HS6ST3: variants seen among roughly 807,000 people sequenced by gnomAD.
The protein encoded by HS6ST3 is heparan-sulfate 6-O-sulfotransferase 3.
HS6ST3 carries 12 observed loss-of-function variants against 36.7 expected under a neutral mutation model. The observed-to-expected ratio is 0.33, with a 90% CI of 0.21 to 0.53. The LOEUF is 0.53. Ranked by LOEUF, HS6ST3 falls within the 20% of genes least tolerant of loss-of-function variation. The pLI is 0.95. For synonymous variants in HS6ST3, 240 were observed against 257.5 expected (o/e 0.93, Z 0.65); for missense variants, 584 against 640.9 (o/e 0.91, Z 0.96).
chr13:96,222,205 A>G (rs1778023088), intron 1 of HS6ST3, among the ~76,000 whole-genome samples: 1 of 152,206 alleles, frequency 6.6e-6, no homozygotes, highest in South Asian at 2.1e-4. Flanking sequence ...TGGACACTTT[A>G]TGATGTAACA....
intron 1 of HS6ST3, among the ~76,000 whole-genome samples, chr13:96,483,155 C>T (rs557914049): frequency 6.6e-6 from 1 of 152,246 alleles, no homozygotes; most frequent in East Asian, 1.9e-4. Flanking sequence ...AGGAATATGG[C>T]TTGATGGTTT....
chr13:96,593,921 C>A (rs191808376), intron 1 of HS6ST3, among the ~76,000 whole-genome samples: 176 of 151,270 alleles, frequency 1.2e-3, no homozygotes, highest in African/African-American at 3.8e-3. Flanking sequence ...TGCATACTTA[C>A]TAGTGAAGTG....
rs190749337 is a variant in HS6ST3, at chr13:96,588,720, A to G, written c.708-243770A>G. On this transcript the variant is annotated intron_variant, in intron 1 of 1. Transcript: ENST00000376705. Reference sequence around the variant, plus strand: ...TTTTTGTAGTATGTTTGTGTTTAGTATCAGGGTGATGCTAGCCTTGTAATT... The same window carrying G: ...TTTTTGTAGTATGTTTGTGTTTAGTGTCAGGGTGATGCTAGCCTTGTAATT... Among the ~76,000 whole-genome samples, 9 of 152,182 alleles carry G rather than the reference A, an allele frequency of 5.9e-5. No homozygotes were observed. In the East Asian group the frequency reaches 1.7e-3, roughly 29 times the overall value.
chr13:96,508,386 C>T (rs2056035345), intron 1 of HS6ST3, among the ~76,000 whole-genome samples: 1 of 151,944 alleles, frequency 6.6e-6, no homozygotes, highest in Non-Finnish European at 1.5e-5. Context: ...TTTCTTTTTT[C>T]TACAGTAGCT....
At chr13:96,408,125 A>T (rs2139460667) in intron 1 of HS6ST3, among the ~76,000 whole-genome samples, 1 of 152,126 alleles carries the variant, frequency 6.6e-6, no homozygotes, top group African/African-American at 2.4e-5. Context: ...TTTTTAGTAG[A>T]GATGGGGTTT....
At chr13:96,254,494 TATATAC>T (rs2054626871) in intron 1 of HS6ST3, among the ~76,000 whole-genome samples, 3 of 21,930 alleles carry the variant, frequency 1.4e-4, no homozygotes, top group Admixed American at 8.6e-4. Flanking sequence ...TATATATATA[TATATAC>T]ACATACATAC....
At chr13:96,150,832 A>T (rs1324940561) in intron 1 of HS6ST3, among the ~76,000 whole-genome samples, 1 of 152,186 alleles carries the variant, frequency 6.6e-6, no homozygotes, top group Non-Finnish European at 1.5e-5. Flanking sequence ...TTTTTGATAA[A>T]ATTCCTAAGT....
At chr13:96,250,419 G>C (rs2054602685) in intron 1 of HS6ST3, among the ~76,000 whole-genome samples, 1 of 152,216 alleles carries the variant, frequency 6.6e-6, no homozygotes, top group Non-Finnish European at 1.5e-5. Context: ...GTGGGCCTTG[G>C]ATCCAATGAC....
chr13:96,250,097 T>C (rs747014508), intron 1 of HS6ST3, among the ~76,000 whole-genome samples: 5 of 152,212 alleles, frequency 3.3e-5, no homozygotes, highest in Admixed American at 6.6e-5. Flanking sequence ...AAACTTTATG[T>C]TGTGAATATT....
intron 1 of HS6ST3, among the ~76,000 whole-genome samples, chr13:96,374,049 T>TA (rs1156722791): frequency 2.6e-5 from 4 of 152,204 alleles, no homozygotes; most frequent in African/African-American, 4.8e-5. Flanking sequence ...CCCAAAGCGA[T>TA]AAACACCTTG....
chr13:96,106,097 T>G (rs2053840198), intron 1 of HS6ST3, among the ~76,000 whole-genome samples: 1 of 152,230 alleles, frequency 6.6e-6, no homozygotes. Context: ...AAATTATTTT[T>G]GATTCAATAT....
chr13:96,533,454 T>C (rs1033565746), intron 1 of HS6ST3, among the ~76,000 whole-genome samples: 3 of 152,224 alleles, frequency 2.0e-5, no homozygotes, highest in African/African-American at 7.2e-5. Context: ...ATGTTCTGCA[T>C]CTGTTTACTC....
chr13:96,297,385 G>A (rs932421294), intron 1 of HS6ST3, among the ~76,000 whole-genome samples: 1 of 151,828 alleles, frequency 6.6e-6, no homozygotes, highest in Non-Finnish European at 1.5e-5. Context: ...CTCTTCTCAG[G>A]GAAAGAAATA....
At chr13:96,210,626 C>T (rs2054394401) in intron 1 of HS6ST3, among the ~76,000 whole-genome samples, 1 of 151,134 alleles carries the variant, frequency 6.6e-6, no homozygotes, top group Non-Finnish European at 1.5e-5. Flanking sequence ...GTCTCACTCA[C>T]TCTGTTGCCC....
At chr13:96,418,784 G>T (rs1026707106) in intron 1 of HS6ST3, among the ~76,000 whole-genome samples, 2 of 152,202 alleles carry the variant, frequency 1.3e-5, no homozygotes, top group African/African-American at 4.8e-5. Flanking sequence ...GGTGGTAACA[G>T]GGCCACGCTC....
At chr13:96,819,607 T>C (rs984824533) in intron 1 of HS6ST3, among the ~76,000 whole-genome samples, 8 of 152,142 alleles carry the variant, frequency 5.3e-5, no homozygotes, top group African/African-American at 1.9e-4. Flanking sequence ...CCACGCAGTG[T>C]ACCATTATAT....
At chr13:96,165,734 A>G (rs570813843) in intron 1 of HS6ST3, among the ~76,000 whole-genome samples, 1 of 152,308 alleles carries the variant, frequency 6.6e-6, no homozygotes, top group South Asian at 2.1e-4. Flanking sequence ...CCTGGCCTGG[A>G]AGAGACATAT....
At chr13:96,387,901 A>G (rs529517298) in intron 1 of HS6ST3, among the ~76,000 whole-genome samples, 55 of 152,258 alleles carry the variant, frequency 3.6e-4, no homozygotes, top group African/African-American at 1.3e-3. Context: ...TGACTGTGCC[A>G]GGTTCCTTGA....
chr13:96,739,222 T>TGTGTGTGTGA (rs1369910872), intron 1 of HS6ST3, among the ~76,000 whole-genome samples: 7 of 16,084 alleles, frequency 4.4e-4, no homozygotes, highest in Non-Finnish European at 7.3e-4. Flanking sequence ...CATTTGCTTG[T>TGTGTGTGTGA]GTGTGTGTGT....
Sources: gnomAD v4.1 joint callset for allele counts (sites outside exome capture counted in the v4.1 genomes callset) on GRCh38, gnomAD v4.1.1 for gene constraint, MANE v1.5 for transcripts, NCBI Gene and HGNC (gene_info 2026-07-23, HGNC 2026-07-21) for gene names.